Variants in PIGL observed in about 807,000 individuals in gnomAD.
PIGL encodes N-acetylglucosaminyl-phosphatidylinositol de-N-acetylase.
Under a neutral mutation model 31.1 loss-of-function variants are expected in PIGL, and 22 were observed. The observed-to-expected ratio is 0.71, with a 90% CI of 0.51 to 1.01. The LOEUF is 1.01. Among genes scored for constraint, PIGL ranks in the 50% least tolerant of loss-of-function variants. The pLI is 0.00. For synonymous variants in PIGL, 131 were observed against 117.4 expected, an observed-to-expected ratio of 1.12 and a Z score of -0.75; for missense variants, 302 against 315.9, an observed-to-expected ratio of 0.96 and a Z score of 0.33.
At chr17:16,313,457 TGTTCTCTCCTTCCCAAG>T in intron 3 of PIGL, 73 bp from the exon 4 acceptor site, 7 of 926,754 alleles carry the variant, frequency 7.6e-6, no homozygotes, top group Non-Finnish European at 1.3e-5. Context: ...TTCAGGGTTC[TGTTCTCTCCTTCCCAAG>T]GGAAGGAGAC....
intron 2 of PIGL, among the ~76,000 whole-genome samples, chr17:16,256,691 T>G (rs145680523): frequency 1.6e-4 from 17 of 105,912 alleles, no homozygotes; most frequent in African/African-American, 6.5e-4. Context: ...GTTTTGTTTT[T>G]TGTGTGTTTG....
At chr17:16,237,446 C>T (rs1460854204) in intron 2 of PIGL, among the ~76,000 whole-genome samples, 1 of 150,318 alleles carries the variant, frequency 6.7e-6, no homozygotes, top group Admixed American at 6.7e-5. Context: ...GAAATATATA[C>T]AGATGATTAC....
At chr17:16,234,092 T>C in intron 2 of PIGL, 22 bp downstream of exon 2, 2 of 1,339,480 alleles carry the variant, frequency 1.5e-6, no homozygotes, top group South Asian at 1.2e-5. Context: ...TTTAACAATG[T>C]AGAAATTTAT....
intron 6 of PIGL, among the ~76,000 whole-genome samples, chr17:16,324,746 T>TG (rs2093120060): frequency 6.6e-6 from 1 of 152,238 alleles, no homozygotes; most frequent in African/African-American, 2.4e-5. Flanking sequence ...AAGTTAATTA[T>TG]GGTACTTAGA....
intron 2 of PIGL, among the ~76,000 whole-genome samples, chr17:16,247,866 T>C (rs759822207): frequency 1.7e-4 from 26 of 152,178 alleles, no homozygotes; most frequent in Middle Eastern, 6.8e-3. Flanking sequence ...ACCAGAGTGC[T>C]CTCTTCAGAA....
intron 2 of PIGL, among the ~76,000 whole-genome samples, chr17:16,257,971 G>C (rs930303249): frequency 2.6e-5 from 4 of 150,990 alleles, no homozygotes; most frequent in Admixed American, 1.3e-4. Flanking sequence ...GTTGAGGTGG[G>C]AGAATCGCTT....
chr17:16,273,246 G>A (rs1475557187), intron 2 of PIGL, among the ~76,000 whole-genome samples: 2 of 152,138 alleles, frequency 1.3e-5, no homozygotes, highest in African/African-American at 4.8e-5. Flanking sequence ...GAGACAGGTT[G>A]CCTGTGATCT....
intron 2 of PIGL, among the ~76,000 whole-genome samples, chr17:16,287,009 C>G (rs893549254): frequency 1.3e-5 from 2 of 152,246 alleles, no homozygotes; most frequent in African/African-American, 4.8e-5. Flanking sequence ...AAACTCAGCC[C>G]TCTGTTTGGC....
chr17:16,294,143 T>C lies in PIGL; in HGVS notation c.336-5745T>C, dbSNP rs149116576. 4.1e-3 allele frequency among the ~76,000 whole-genome samples: 626 copies of C among 152,292 alleles called. 6 individuals are homozygous for C. The highest frequency in any genetic ancestry group is 0.015 in the African/African-American group (604 of 41,542). Reference sequence around the variant, plus strand: ...GATCAATCATTTGCTTATGACACAGTCCTAGACTTAAGAGTTGGAAGGACT... The same window carrying C: ...GATCAATCATTTGCTTATGACACAGCCCTAGACTTAAGAGTTGGAAGGACT... On this transcript the variant is annotated intron_variant, in intron 2 of 6. Transcript: ENST00000225609.
At chr17:16,295,162 G>C (rs2142826484) in intron 2 of PIGL, among the ~76,000 whole-genome samples, 1 of 152,276 alleles carries the variant, frequency 6.6e-6, no homozygotes, top group South Asian at 2.1e-4. Flanking sequence ...CCAGCACTTT[G>C]GGAGGCTGAG....
intron 2 of PIGL, among the ~76,000 whole-genome samples, chr17:16,262,214 C>A (rs1299622069): frequency 1.3e-5 from 2 of 152,084 alleles, no homozygotes; most frequent in Non-Finnish European, 2.9e-5. Context: ...CAGAGTGACA[C>A]CCTGTCTCAA....
chr17:16,245,987 T>A (rs1031708415), intron 2 of PIGL, among the ~76,000 whole-genome samples: 5 of 147,538 alleles, frequency 3.4e-5, no homozygotes, highest in Admixed American at 6.8e-5. Flanking sequence ...GACCAGCTAT[T>A]TTTATTTTTG....
chr17:16,269,253 CCT>C (rs1342436447), intron 2 of PIGL, among the ~76,000 whole-genome samples: 6 of 152,232 alleles, frequency 3.9e-5, no homozygotes, highest in Non-Finnish European at 5.9e-5. Flanking sequence ...ACACATATGG[CCT>C]CTATAGCCTA....
chr17:16,280,523 C>G (rs1388980712), intron 2 of PIGL, among the ~76,000 whole-genome samples: 1 of 152,120 alleles, frequency 6.6e-6, no homozygotes, highest in African/African-American at 2.4e-5. Context: ...TTTAAGTTCA[C>G]AGCAAAATTG....
chr17:16,239,514 GA>G (rs1216828943), intron 2 of PIGL, among the ~76,000 whole-genome samples: 1 of 151,904 alleles, frequency 6.6e-6, no homozygotes, highest in African/African-American at 2.4e-5. Flanking sequence ...AAAAGAAAAA[GA>G]AAAGGCAGTA....
intron 2 of PIGL, among the ~76,000 whole-genome samples, chr17:16,279,198 GT>G (rs2092907251): frequency 6.6e-6 from 1 of 152,224 alleles, no homozygotes; most frequent in Admixed American, 6.5e-5. Flanking sequence ...CCAAGAGGGA[GT>G]TCTTGGATCT....
chr17:16,233,187 A>G (rs1289463294), intron 1 of PIGL, among the ~76,000 whole-genome samples: 1 of 152,160 alleles, frequency 6.6e-6, no homozygotes, highest in Non-Finnish European at 1.5e-5. Context: ...TAACTTGCAC[A>G]AATCAGACCT....
intron 2 of PIGL, among the ~76,000 whole-genome samples, chr17:16,250,524 C>T (rs569240459): frequency 5.9e-5 from 9 of 152,202 alleles, no homozygotes; most frequent in African/African-American, 9.6e-5. Context: ...CATAGCAACA[C>T]GCAACAGTCA....
chr17:16,234,112 A>C, intron 2 of PIGL, 42 bp downstream of exon 2: 1 of 1,050,620 alleles, frequency 9.5e-7, no homozygotes, highest in Non-Finnish European at 1.5e-6. Context: ...TTGGCAATAA[A>C]TATGCAGTGA....
Sources: gnomAD v4.1 joint callset for allele counts (sites outside exome capture counted in the v4.1 genomes callset) on GRCh38, gnomAD v4.1.1 for gene constraint, MANE v1.5 for transcripts, NCBI Gene and HGNC (gene_info 2026-07-23, HGNC 2026-07-21) for gene names.